The following SLIT2 variants were observed in gnomAD, a reference collection of about 807,000 sequenced individuals.
SLIT2 encodes slit homolog 2 protein.
Under a neutral mutation model 185.7 loss-of-function variants are expected in SLIT2, and 41 were observed. The ratio of observed to expected loss-of-function variants is 0.22; its 90% CI spans 0.17 to 0.29. The LOEUF is 0.29. Ranked by LOEUF, SLIT2 falls within the 10% of genes least tolerant of loss-of-function variation. The probability of loss-of-function intolerance (pLI) is 1.00; values close to 1 mark genes in which losing one functional copy is unlikely to be tolerated. For missense variants in SLIT2, 1,571 were observed against 1,909.0 expected (o/e 0.82, Z 3.30); for synonymous variants, 693 against 680.2 (o/e 1.02, Z -0.29).
intron 5 of SLIT2, among the ~76,000 whole-genome samples, chr4:20,471,083 C>A (rs1714952161): frequency 6.6e-6 from 1 of 152,086 alleles, no homozygotes; most frequent in African/African-American, 2.4e-5. Context: ...CATTGCCTTC[C>A]ATGTAACAAT....
intron 4 of SLIT2, among the ~76,000 whole-genome samples, chr4:20,416,153 T>C (rs557152568): frequency 3.3e-5 from 5 of 152,196 alleles, no homozygotes; most frequent in Non-Finnish European, 7.3e-5. Context: ...TCTGGATTCG[T>C]CCACTAGGGC....
chr4:20,513,739 C>CG (rs1560490522), intron 11 of SLIT2, among the ~76,000 whole-genome samples: 7 of 151,470 alleles, frequency 4.6e-5, no homozygotes, highest in African/African-American at 1.5e-4. Flanking sequence ...CTGTGGTTGG[C>CG]GGGGGGAAGC....
intron 4 of SLIT2, among the ~76,000 whole-genome samples, chr4:20,326,039 T>G (rs1719558300): frequency 6.6e-6 from 1 of 152,112 alleles, no homozygotes; most frequent in Non-Finnish European, 1.5e-5. Context: ...TCACCCCGAT[T>G]TACTATTTTA....
chr4:20,453,157 G>A (rs905744436), intron 4 of SLIT2, among the ~76,000 whole-genome samples: 22 of 152,188 alleles, frequency 1.4e-4, no homozygotes, highest in Non-Finnish European at 2.5e-4. Context: ...TGATACATCC[G>A]GATATGGGTT....
At chr4:20,379,338 T>A (rs928732314) in intron 4 of SLIT2, among the ~76,000 whole-genome samples, 8 of 152,136 alleles carry the variant, frequency 5.3e-5, no homozygotes, top group Non-Finnish European at 1.0e-4. Flanking sequence ...ATAACGACAT[T>A]TATTATAACA....
intron 4 of SLIT2, among the ~76,000 whole-genome samples, chr4:20,323,461 C>G (rs1439300341): frequency 6.6e-6 from 1 of 152,002 alleles, no homozygotes; most frequent in Non-Finnish European, 1.5e-5. Context: ...TTGAATGAAT[C>G]ATATTCAAAA....
At chr4:20,577,546 G>C (rs1334463048) in intron 29 of SLIT2, among the ~76,000 whole-genome samples, 1 of 152,184 alleles carries the variant, frequency 6.6e-6, no homozygotes, top group Non-Finnish European at 1.5e-5. Context: ...GTGTTACTGT[G>C]TTGTGGTGCC....
rs1317405188 is a variant in SLIT2, at chr4:20,252,829, T to C, written c.-987T>C. 1.3e-5 allele frequency among the ~76,000 whole-genome samples: 2 copies of C among 152,130 alleles called. No homozygotes were observed. Among genetic ancestry groups the C allele is most frequent in the Admixed American group, 1.3e-4 (2 of 15,266 alleles). ...CGCTGACACCTCCAACCTTGGCCTT[T>C]GCCTTTCCACTCCTTCCGGTCTGCC... On this transcript the variant is annotated 5_prime_UTR_variant, in exon 1 of 37. Coordinates refer to ENST00000504154, the MANE Select transcript of SLIT2 (RefSeq NM_004787.4).
At chr4:20,288,952 T>C (rs1283227724) in intron 4 of SLIT2, among the ~76,000 whole-genome samples, 1 of 152,184 alleles carries the variant, frequency 6.6e-6, no homozygotes, top group Non-Finnish European at 1.5e-5. Flanking sequence ...TGTTTTCAAT[T>C]GAATTGAACC....
chr4:20,610,100 C>T lies in SLIT2; in HGVS notation c.3780C>T (p.Asn1260=), dbSNP rs753715840. 1.2e-6 allele frequency: 2 copies of T among 1,613,652 alleles called. No homozygotes were observed. Among genetic ancestry groups the T allele is most frequent in the South Asian group, 2.2e-5 (2 of 91,056 alleles). Residue 1260 remains asparagine, a synonymous_variant, in exon 34 of 37, where the codon AAC becomes AAT. Transcript: ENST00000504154. The part of the protein sequence containing the change: ...QSLSLSVDGG[N]PKIITNLSKQ... Reference sequence around the variant, plus strand: ...TCTCTTTGTCCGTGGATGGTGGGAACCCCAAAATCATCACTAACTTGTCAA... The same window carrying T: ...TCTCTTTGTCCGTGGATGGTGGGAATCCCAAAATCATCACTAACTTGTCAA...
chr4:20,601,806 T>C (rs925112808), intron 33 of SLIT2, among the ~76,000 whole-genome samples: 2 of 152,240 alleles, frequency 1.3e-5, no homozygotes, highest in African/African-American at 4.8e-5. Flanking sequence ...AAGTACATTT[T>C]CAAATTTTGA....
intron 33 of SLIT2, among the ~76,000 whole-genome samples, chr4:20,602,230 A>C (rs1728466535): frequency 6.6e-6 from 1 of 152,248 alleles, no homozygotes; most frequent in Admixed American, 6.5e-5. Flanking sequence ...TTTTTACAAA[A>C]GTTAATGAAA....
intron 5 of SLIT2, among the ~76,000 whole-genome samples, chr4:20,472,288 A>ATATATATCTATATATC (rs1560452857): frequency 1.4e-4 from 3 of 21,224 alleles, no homozygotes; most frequent in Admixed American, 1.1e-3. Context: ...ATATATATAG[A>ATATATATCTATATATC]TATATAGATA....
At chr4:20,341,630 T>C (rs1720971034) in intron 4 of SLIT2, among the ~76,000 whole-genome samples, 2 of 152,182 alleles carry the variant, frequency 1.3e-5, no homozygotes, top group African/African-American at 4.8e-5. Flanking sequence ...CTAGGGGAAG[T>C]ATTCAGGTCT....
chr4:20,306,102 G>T lies in SLIT2; in HGVS notation c.395+37221G>T, dbSNP rs190115612. Among the ~76,000 whole-genome samples, 139 of 152,080 alleles carry T rather than the reference G, an allele frequency of 9.1e-4. 1 individual carries two copies. The highest frequency in any genetic ancestry group is 3.2e-3 in the African/African-American group (133 of 41,482). On this transcript the variant is annotated intron_variant, in intron 4 of 36. Coordinates refer to ENST00000504154, the MANE Select transcript of SLIT2 (RefSeq NM_004787.4). ...GAAGAAAAGGGAGAAAACAGGTAAAGTGGTAAAATTGGTTAGTGAAAGATA... is the reference window on the plus strand; with the variant it reads ...GAAGAAAAGGGAGAAAACAGGTAAATTGGTAAAATTGGTTAGTGAAAGATA...
intron 4 of SLIT2, among the ~76,000 whole-genome samples, chr4:20,440,922 G>A (rs1318400294): frequency 6.6e-6 from 1 of 152,002 alleles, no homozygotes; most frequent in Non-Finnish European, 1.5e-5. Context: ...AAAGCATTTT[G>A]GCCTTTATTT....
intron 4 of SLIT2, among the ~76,000 whole-genome samples, chr4:20,383,385 T>C (rs971163426): frequency 1.3e-5 from 2 of 152,142 alleles, no homozygotes; most frequent in Non-Finnish European, 2.9e-5. Flanking sequence ...GATAAAAAGA[T>C]AAATGACTCA....
intron 4 of SLIT2, among the ~76,000 whole-genome samples, chr4:20,401,249 A>T (rs1726335901): frequency 6.6e-6 from 1 of 151,896 alleles, no homozygotes; most frequent in African/African-American, 2.4e-5. Flanking sequence ...GTCTTGAAAG[A>T]ACGTTGTCTC....
chr4:20,442,980 A>C (rs1729888191), intron 4 of SLIT2, among the ~76,000 whole-genome samples: 1 of 152,116 alleles, frequency 6.6e-6, no homozygotes, highest in Non-Finnish European at 1.5e-5. Flanking sequence ...CCCTTTTGCT[A>C]GTAGTTTAAA....
Sources: gnomAD v4.1 joint callset for allele counts (sites outside exome capture counted in the v4.1 genomes callset) on GRCh38, gnomAD v4.1.1 for gene constraint, MANE v1.5 for transcripts, NCBI Gene and HGNC (gene_info 2026-07-23, HGNC 2026-07-21) for gene names.